ARB2A: variants seen among roughly 807,000 people sequenced by gnomAD.
ARB2A encodes the protein cotranscriptional regulator ARB2A.
chr5:94,032,712 C>T, the ARB2A span, among the ~76,000 whole-genome samples: 1 of 152,292 alleles, frequency 6.6e-6, no homozygotes, highest in East Asian at 1.9e-4. Flanking sequence ...CCTCACCTTG[C>T]AATCATCCTA....
the ARB2A span, among the ~76,000 whole-genome samples, chr5:93,969,838 C>A: frequency 6.6e-6 from 1 of 152,016 alleles, no homozygotes; most frequent in Non-Finnish European, 1.5e-5. Flanking sequence ...AACCTTTAGT[C>A]CAGTAACAGC....
the ARB2A span, among the ~76,000 whole-genome samples, chr5:93,779,201 TA>T: frequency 6.6e-6 from 1 of 151,792 alleles, no homozygotes; most frequent in Non-Finnish European, 1.5e-5. Flanking sequence ...CAAAACAAGT[TA>T]AATGTTTGCT....
chr5:93,640,667 C>CAT, the ARB2A span, among the ~76,000 whole-genome samples: 3 of 148,460 alleles, frequency 2.0e-5, no homozygotes, highest in East Asian at 5.9e-4. Context: ...TATATACACA[C>CAT]ATATATATAT....
the ARB2A span, among the ~76,000 whole-genome samples, chr5:93,957,379 T>C: frequency 3.9e-5 from 6 of 152,154 alleles, no homozygotes; most frequent in Admixed American, 6.5e-5. Context: ...TGTGAACACA[T>C]TTTACATATA....
chr5:93,803,088 G>T, the ARB2A span, among the ~76,000 whole-genome samples: 1 of 152,010 alleles, frequency 6.6e-6, no homozygotes, highest in Non-Finnish European at 1.5e-5. Context: ...TACCACATGA[G>T]TAATAACAGG....
the ARB2A span, among the ~76,000 whole-genome samples, chr5:94,082,892 C>T: frequency 6.6e-6 from 1 of 152,138 alleles, no homozygotes; most frequent in African/African-American, 2.4e-5. Flanking sequence ...TTTGAAACTT[C>T]AAGTCACATT....
the ARB2A span, among the ~76,000 whole-genome samples, chr5:93,830,710 T>A: frequency 1.3e-5 from 2 of 152,134 alleles, no homozygotes; most frequent in East Asian, 3.9e-4. Flanking sequence ...ATTTTTCTAG[T>A]CCAGCAGTCC....
At chr5:93,703,163 A>G in the ARB2A span, among the ~76,000 whole-genome samples, 1 of 152,212 alleles carries the variant, frequency 6.6e-6, no homozygotes, top group Non-Finnish European at 1.5e-5. Context: ...CATACACAAT[A>G]TATTTGTAAG....
chr5:93,968,446 A>T, the ARB2A span, among the ~76,000 whole-genome samples: 1 of 152,164 alleles, frequency 6.6e-6, no homozygotes, highest in Non-Finnish European at 1.5e-5. Context: ...TAGGCTAATT[A>T]GTAGACTGGA....
the ARB2A span, among the ~76,000 whole-genome samples, chr5:93,835,083 T>C: frequency 1.3e-5 from 2 of 152,194 alleles, no homozygotes; most frequent in Non-Finnish European, 1.5e-5. Flanking sequence ...GCATAGGATA[T>C]TTACCCTAGA....
chr5:93,741,544 G>C, the ARB2A span: 6 of 1,583,870 alleles, frequency 3.8e-6, no homozygotes, highest in South Asian at 6.9e-5. Flanking sequence ...GAAGTGGTTT[G>C]AGGGCCTGTG....
chr5:93,764,952 T>C, the ARB2A span, among the ~76,000 whole-genome samples: 4 of 152,176 alleles, frequency 2.6e-5, no homozygotes, highest in Non-Finnish European at 1.5e-5. Flanking sequence ...ACCATGTGAT[T>C]ATTTCAATAG....
At chr5:93,755,908 C>G in the ARB2A span, among the ~76,000 whole-genome samples, 1 of 152,188 alleles carries the variant, frequency 6.6e-6, no homozygotes, top group African/African-American at 2.4e-5. Flanking sequence ...GGTGCAAATC[C>G]GGTGTGCAGA....
At chr5:94,101,548 A>T in the ARB2A span, among the ~76,000 whole-genome samples, 1 of 152,216 alleles carries the variant, frequency 6.6e-6, no homozygotes, top group Non-Finnish European at 1.5e-5. Flanking sequence ...CTAAATGCCC[A>T]TCAATGACAG....
chr5:93,621,011 G>C, the ARB2A span: 1 of 1,611,316 alleles, frequency 6.2e-7, no homozygotes, highest in East Asian at 2.2e-5. Flanking sequence ...GCTTGATGCG[G>C]TGGGAGCGGC....
chr5:93,998,590 T>C, the ARB2A span, among the ~76,000 whole-genome samples: 1 of 152,076 alleles, frequency 6.6e-6, no homozygotes, highest in Admixed American at 6.6e-5. Context: ...TAAAAGGACA[T>C]TGGCTCAGAG....
the ARB2A span, chr5:93,620,915 G>A: frequency 2.8e-6 from 4 of 1,430,420 alleles, no homozygotes; most frequent in Non-Finnish European, 2.9e-6. Flanking sequence ...CTGGGAGTCC[G>A]CTCGACACAA....
chr5:93,807,933 T>G, the ARB2A span, among the ~76,000 whole-genome samples: 3 of 152,020 alleles, frequency 2.0e-5, no homozygotes, highest in Non-Finnish European at 4.4e-5. Flanking sequence ...ATGTTTGAGA[T>G]GAACTCAGTG....
the ARB2A span, among the ~76,000 whole-genome samples, chr5:93,966,001 A>G: frequency 1.1e-4 from 17 of 152,168 alleles, no homozygotes; most frequent in African/African-American, 3.9e-4. Flanking sequence ...TATTAAACTA[A>G]TAGTATTCTT....
Sources: allele counts gnomAD v4.1 joint callset (sites outside exome capture counted in the v4.1 genomes callset), GRCh38; gene constraint gnomAD v4.1.1; transcripts MANE v1.5; gene names NCBI Gene and HGNC (gene_info 2026-07-23, HGNC 2026-07-21).